The following RAD52 variants were observed in gnomAD, a reference collection of about 807,000 sequenced individuals.
RAD52 encodes RAD52 DNA repair protein.
In RAD52, 47 loss-of-function variants were observed where a neutral mutation model predicts 55.5. The ratio of observed to expected loss-of-function variants is 0.85; its 90% CI spans 0.67 to 1.08. The LOEUF is 1.08. RAD52 is among the 50% of genes least tolerant of loss of function. The pLI is 0.00. For synonymous variants in RAD52, 184 were observed against 198.9 expected (o/e 0.92, Z 0.63); for missense variants, 468 against 522.8 (o/e 0.90, Z 1.02).
At chr12:913,583 A>C in intron 11 of RAD52, 131 bp from the exon 12 acceptor site, 1 of 821,398 alleles carries the variant, frequency 1.2e-6, no homozygotes, top group Non-Finnish European at 2.0e-6. Context: ...GTTAGGAGGA[A>C]GGCAGATGAT....
intron 1 of RAD52, among the ~76,000 whole-genome samples, chr12:979,903 C>T (rs1049544472): frequency 2.0e-5 from 3 of 152,054 alleles, no homozygotes; most frequent in Non-Finnish European, 4.4e-5. Context: ...AAAAATTAGC[C>T]AGGCGTGGTG....
intron 1 of RAD52, among the ~76,000 whole-genome samples, chr12:937,404 T>G (rs2154116544): frequency 1.3e-5 from 2 of 152,048 alleles, no homozygotes; most frequent in East Asian, 3.9e-4. Context: ...ACACTACGGA[T>G]GCTCTACTCA....
At chr12:930,028 C>T (rs1336548690) in intron 4 of RAD52, 23 bp downstream of exon 4, 1 of 1,606,884 alleles carries the variant, frequency 6.2e-7, no homozygotes, top group Admixed American at 1.7e-5. Context: ...GCAGAAGTCC[C>T]CACTGCTGGA....
At chr12:947,353 A>C (rs535280206) in intron 1 of RAD52, among the ~76,000 whole-genome samples, 24 of 151,006 alleles carry the variant, frequency 1.6e-4, no homozygotes, top group African/African-American at 5.1e-4. Context: ...ACAAACAAAA[A>C]AACAAAACTC....
chr12:983,806 T>C lies in RAD52; in HGVS notation c.-19+6003A>G, dbSNP rs1431944942. Among the ~76,000 whole-genome samples the C allele has an allele frequency of 1.4e-4, 21 of 152,344 alleles. 1 individual carries two copies. In the South Asian group the frequency reaches 2.1e-3, roughly 15 times the overall value. On this transcript the variant is annotated intron_variant, in intron 1 of 11. Coordinates refer to the RAD52 transcript ENST00000430095. ...CCTCTTCTTATAAGGACACCAGTCC[T>C]ACTGGGTTAGATACCATTCTTATGA... is the stretch of plus-strand genomic sequence containing the variant.
At chr12:939,955 A>G (rs1957835823) in intron 1 of RAD52, among the ~76,000 whole-genome samples, 1 of 152,072 alleles carries the variant, frequency 6.6e-6, no homozygotes, top group African/African-American at 2.4e-5. Flanking sequence ...TGCGCCTGTA[A>G]TCCCAGCTAT....
Position 973,291 on chromosome 12 carries a change from G to A in RAD52, c.-19+16518C>T, listed in dbSNP as rs536066134. Among the ~76,000 whole-genome samples the A allele has an allele frequency of 1.4e-4, 22 of 151,990 alleles. No individual in the cohort carries two copies. In the South Asian group the frequency reaches 3.9e-3, roughly 27 times the overall value. On this transcript the variant is annotated intron_variant, in intron 1 of 11. Coordinates refer to the RAD52 transcript ENST00000430095. ...TCATCATGTTAGCCAGGATGGTCTC[G>A]ATCTCCTGACCTCGTGATCCACCCT...
chr12:958,820 AT>A (rs1958646796), intron 1 of RAD52, among the ~76,000 whole-genome samples: 1 of 152,100 alleles, frequency 6.6e-6, no homozygotes, highest in African/African-American at 2.4e-5. Context: ...CTCAGCTAGG[AT>A]GGAGGCTGGC....
intron 1 of RAD52, among the ~76,000 whole-genome samples, chr12:959,245 T>C (rs1395106546): frequency 2.0e-5 from 3 of 152,228 alleles, no homozygotes; most frequent in Non-Finnish European, 4.4e-5. Context: ...TGTGAAGTAA[T>C]TGGCAAGGTT....
At chr12:923,008 C>T (rs1312321322) in intron 7 of RAD52, among the ~76,000 whole-genome samples, 1 of 151,716 alleles carries the variant, frequency 6.6e-6, no homozygotes, top group East Asian at 1.9e-4. Flanking sequence ...GCAGGCTGAC[C>T]ACCATGCCCA....
At chr12:916,190 C>T in intron 9 of RAD52, 154 bp downstream of exon 9, 6 of 1,404,586 alleles carry the variant, frequency 4.3e-6, no homozygotes, top group Non-Finnish European at 5.5e-6. Flanking sequence ...ATCTGAATTT[C>T]CTGGGCTCAT....
intron 1 of RAD52, among the ~76,000 whole-genome samples, chr12:970,072 G>A (rs1958820669): frequency 3.5e-5 from 1 of 28,428 alleles, no homozygotes; most frequent in Admixed American, 4.6e-4. Context: ...ACTTTGGGAG[G>A]CGGAGGTGGT....
Position 933,017 on chromosome 12 carries a change from G to C in RAD52, c.42C>G (p.Ser14Arg), listed in dbSNP as rs559326074. ...CTGAGCCGCCGCCAGCAGCAGGATG[G>C]CTGTCACGTCCTCCAAGAATTGCTT... Reference protein sequence around the residue: ...TEEAILGGRDSHPAAGGGSVL... With the variant: ...TEEAILGGRDRHPAAGGGSVL... The change falls in exon 2 of 12, where the codon AGC (serine) becomes AGG (arginine). Residue 14 changes from serine to arginine, a missense_variant. Physicochemically the swap from Ser to Arg is moderately radical, Grantham distance 110. Transcript: ENST00000358495. 2.9e-5 allele frequency: 46 copies of C among 1,613,932 alleles called. No homozygotes were observed. In the South Asian group the frequency reaches 4.9e-4, roughly 17 times the overall value.
Position 929,802 on chromosome 12 carries a change from C to CTACTCCAT in RAD52, c.348+9_348+16dup. The CTACTCCAT allele has an allele frequency of 6.2e-7, 1 of 1,607,420 alleles. No individual in the cohort carries two copies. The highest frequency in any genetic ancestry group is 8.5e-7 in the Non-Finnish European group (1 of 1,174,986). On this transcript the variant is annotated intron_variant, in intron 5 of 11. Coordinates refer to ENST00000358495, the MANE Select transcript of RAD52 (RefSeq NM_134424.4). ...CCACTGATCCTTCCGGGCAGCAGGT[C>CTACTCCAT]TACTCCATCCCCTCACCTTCAGCTG...
chr12:925,902 G>C (rs1041578175), intron 6 of RAD52, among the ~76,000 whole-genome samples: 1 of 152,030 alleles, frequency 6.6e-6, no homozygotes, highest in African/African-American at 2.4e-5. Context: ...ACACACTTGG[G>C]GACCGGGGGC....
At chr12:953,545 C>A (rs1046451752), upstream of RAD52, among the ~76,000 whole-genome samples, 1 of 152,136 alleles carries the variant, frequency 6.6e-6, no homozygotes, top group Non-Finnish European at 1.5e-5. Flanking sequence ...AGTCCTCATA[C>A]AATTTACGAA....
intron 1 of RAD52, among the ~76,000 whole-genome samples, chr12:933,542 T>C (rs1390945774): frequency 2.6e-5 from 4 of 152,056 alleles, no homozygotes; most frequent in Non-Finnish European, 5.9e-5. Context: ...CAGAACAGAG[T>C]TCCTCAGTGG....
chr12:970,398 C>G (rs995745345), intron 1 of RAD52, among the ~76,000 whole-genome samples: 1 of 145,752 alleles, frequency 6.9e-6, no homozygotes, highest in Non-Finnish European at 1.5e-5. Flanking sequence ...TCTCATTTTG[C>G]TGATTAGGGT....
chr12:971,604 A>C (rs1442578286), intron 1 of RAD52, among the ~76,000 whole-genome samples: 2 of 152,180 alleles, frequency 1.3e-5, no homozygotes, highest in African/African-American at 4.8e-5. Context: ...AACTACTATT[A>C]TTGGTTGTAA....
Sources: allele counts gnomAD v4.1 joint callset (sites outside exome capture counted in the v4.1 genomes callset), GRCh38; gene constraint gnomAD v4.1.1; transcripts MANE v1.5; gene names NCBI Gene and HGNC (gene_info 2026-07-23, HGNC 2026-07-21).